MGAT4A: variants seen among roughly 807,000 people sequenced by gnomAD.
MGAT4A encodes the protein alpha-1,3-mannosyl-glycoprotein 4-beta-N-acetylglucosaminyltransferase A.
A neutral mutation model predicts 74.1 loss-of-function variants in MGAT4A; 33 were observed. The observed-to-expected ratio is 0.45, with a 90% CI of 0.34 to 0.60. The LOEUF (loss-of-function observed/expected upper bound fraction) is 0.60. MGAT4A is among the 20% of genes least tolerant of loss of function. The probability of loss-of-function intolerance (pLI) is 0.02; values close to 1 mark genes in which losing one functional copy is unlikely to be tolerated. For missense variants in MGAT4A, 479 were observed against 628.3 expected (o/e 0.76, Z 2.54); for synonymous variants, 198 against 210.4 (o/e 0.94, Z 0.51).
At chr2:98,689,420 T>C (rs1702167307) in intron 2 of MGAT4A, among the ~76,000 whole-genome samples, 1 of 152,206 alleles carries the variant, frequency 6.6e-6, no homozygotes, top group African/African-American at 2.4e-5. Context: ...GATGACAATA[T>C]CCTTGAAGAA....
chr2:98,690,878 A>G (rs1037803267), intron 2 of MGAT4A, among the ~76,000 whole-genome samples: 3 of 152,234 alleles, frequency 2.0e-5, no homozygotes, highest in Non-Finnish European at 4.4e-5. Context: ...TGAGCTCAAG[A>G]GCAGATGGAG....
At chr2:98,677,668 G>C (rs1478695771) in intron 3 of MGAT4A, among the ~76,000 whole-genome samples, 1 of 151,972 alleles carries the variant, frequency 6.6e-6, no homozygotes, top group Non-Finnish European at 1.5e-5. Flanking sequence ...GGCCAGCCTG[G>C]TCTTGAACTC....
At chr2:98,673,342 G>C (rs938200604) in intron 4 of MGAT4A, among the ~76,000 whole-genome samples, 1 of 151,992 alleles carries the variant, frequency 6.6e-6, no homozygotes, top group African/African-American at 2.4e-5. Flanking sequence ...ATAAGTTCTG[G>C]GGTTCCATAA....
chr2:98,715,200 C>T (rs192147512), intron 2 of MGAT4A, among the ~76,000 whole-genome samples: 1 of 151,782 alleles, frequency 6.6e-6, no homozygotes, highest in East Asian at 1.9e-4. Context: ...TGCCTGTAAT[C>T]CCAGCTACTC....
chr2:98,699,876 G>A (rs62158019), intron 2 of MGAT4A, among the ~76,000 whole-genome samples: 35,786 of 151,974 alleles, frequency 0.24, 5,249 homozygotes, highest in Non-Finnish European at 0.33. Context: ...GTGACAAAAT[G>A]CTCCCTGGAA....
At chr2:98,713,185 C>CAAAAAAAA (rs139508612) in intron 2 of MGAT4A, among the ~76,000 whole-genome samples, 1 of 54,220 alleles carries the variant, frequency 1.8e-5, no homozygotes, top group African/African-American at 6.7e-5. Context: ...GATCATGTCT[C>CAAAAAAAA]AAAAAAAAAA....
At chr2:98,723,797 G>A (rs532976049) in intron 2 of MGAT4A, among the ~76,000 whole-genome samples, 1 of 152,306 alleles carries the variant, frequency 6.6e-6, no homozygotes, top group East Asian at 1.9e-4. Flanking sequence ...TAAAGCACCT[G>A]AAGAATTAGT....
chr2:98,706,254 C>T (rs1289546779), intron 2 of MGAT4A, among the ~76,000 whole-genome samples: 1 of 152,062 alleles, frequency 6.6e-6, no homozygotes, highest in Non-Finnish European at 1.5e-5. Context: ...CAGAATCTTG[C>T]TAGGAACTAG....
intron 12 of MGAT4A, among the ~76,000 whole-genome samples, chr2:98,637,727 T>G (rs1051521593): frequency 3.9e-5 from 6 of 152,184 alleles, no homozygotes; most frequent in African/African-American, 1.4e-4. Flanking sequence ...GTTACTAGAA[T>G]TGTCACCTTT....
chr2:98,653,040 A>AAAC (rs1559160016), intron 8 of MGAT4A, among the ~76,000 whole-genome samples: 1 of 152,164 alleles, frequency 6.6e-6, no homozygotes, highest in Non-Finnish European at 1.5e-5. Flanking sequence ...TGTGGAAATT[A>AAAC]AACAACTCGC....
chr2:98,664,710 T>C (rs1326475909), intron 4 of MGAT4A, among the ~76,000 whole-genome samples: 1 of 152,218 alleles, frequency 6.6e-6, no homozygotes, highest in Non-Finnish European at 1.5e-5. Flanking sequence ...ATGTGTTTCT[T>C]AATCATTTAA....
chr2:98,707,547 C>A (rs1378559692), intron 2 of MGAT4A, among the ~76,000 whole-genome samples: 1 of 152,176 alleles, frequency 6.6e-6, no homozygotes, highest in East Asian at 1.9e-4. Flanking sequence ...TACCTCCTAG[C>A]ACTTCTCCCG....
chr2:98,653,204 A>T (rs905440425), intron 8 of MGAT4A, among the ~76,000 whole-genome samples: 9 of 151,546 alleles, frequency 5.9e-5, no homozygotes, highest in African/African-American at 9.7e-5. Context: ...CATTTACATT[A>T]AAAAAAAGAA....
intron 1 of MGAT4A, 48 bp from the exon 2 acceptor site, chr2:98,726,615 GT>G (rs1241144949): frequency 3.9e-5 from 15 of 381,458 alleles, no homozygotes; most frequent in Non-Finnish European, 4.7e-6. Context: ...AATGCAAAAT[GT>G]AAGTTTCTTC....
chr2:98,718,702 C>CAG (rs1054127576), intron 2 of MGAT4A, among the ~76,000 whole-genome samples: 1 of 152,196 alleles, frequency 6.6e-6, no homozygotes, highest in African/African-American at 2.4e-5. Context: ...GGTTAAGTCC[C>CAG]AGGCAAGTGC....
In MGAT4A at chr2:98,673,511, A is replaced by AT. The variant is rs555537503; in HGVS notation, c.403+1523dup. On this transcript the variant is annotated intron_variant, in intron 4 of 15. Transcript: ENST00000393487. ...AAAATGTTTAACGTAAATATGGGTT[A>AT]TTTTTTCTACCAAGCTGTTTTTTCT... 4.2e-3 allele frequency among the ~76,000 whole-genome samples: 633 copies of AT among 152,228 alleles called. 6 individuals are homozygous for AT. The highest frequency in any genetic ancestry group is 0.014 in the African/African-American group (599 of 41,544).
At chr2:98,668,242 G>A (rs1488171133) in intron 4 of MGAT4A, among the ~76,000 whole-genome samples, 1 of 152,178 alleles carries the variant, frequency 6.6e-6, no homozygotes, top group Non-Finnish European at 1.5e-5. Context: ...AGAGATTTAG[G>A]AGGGAAAAAT....
Position 98,623,660 on chromosome 2 carries a change from C to A in MGAT4A, c.*1906G>T. 1.0e-6 allele frequency: 1 copy of A among 985,306 alleles called. No homozygotes were observed. The highest frequency in any genetic ancestry group is 1.2e-6 in the Non-Finnish European group (1 of 829,838). The allele number at this position is 985,306 out of a possible 1,614,324, so 61.0% of individuals were successfully genotyped here. Reference sequence around the variant, plus strand: ...ACTGGCCTTTAACTGACATAAAAATCATTTTTGGCAATGTGATTGACTTTT... The same window carrying A: ...ACTGGCCTTTAACTGACATAAAAATAATTTTTGGCAATGTGATTGACTTTT... On this transcript the variant is annotated 3_prime_UTR_variant, in exon 16 of 16. Coordinates refer to ENST00000393487, the MANE Select transcript of MGAT4A (RefSeq NM_012214.3).
At chr2:98,730,645 T>C (rs1307614336) in intron 1 of MGAT4A, among the ~76,000 whole-genome samples, 2 of 143,452 alleles carry the variant, frequency 1.4e-5, no homozygotes, top group Non-Finnish European at 3.0e-5. Context: ...GGATCAGCAC[T>C]TTGCTCCACT....
Sources: gnomAD v4.1 joint callset for allele counts (sites outside exome capture counted in the v4.1 genomes callset) on GRCh38, gnomAD v4.1.1 for gene constraint, MANE v1.5 for transcripts, NCBI Gene and HGNC (gene_info 2026-07-23, HGNC 2026-07-21) for gene names.